Variants in PDE1C observed in about 807,000 individuals in gnomAD.
PDE1C encodes the protein phosphodiesterase 1C.
A neutral mutation model predicts 93.1 loss-of-function variants in PDE1C; 62 were observed. The observed-to-expected ratio is 0.67, with a 90% CI of 0.54 to 0.82. The LOEUF is 0.82. Among genes scored for constraint, PDE1C ranks in the 40% least tolerant of loss-of-function variants. PDE1C has a pLI of 0.00. For missense variants in PDE1C, 742 were observed against 884.6 expected, an observed-to-expected ratio of 0.84 and a Z score of 2.04; for synonymous variants, 325 against 310.1, an observed-to-expected ratio of 1.05 and a Z score of -0.50.
chr7:31,944,663 T>C (rs1806363028), intron 2 of PDE1C, among the ~76,000 whole-genome samples: 1 of 152,230 alleles, frequency 6.6e-6, no homozygotes, highest in Non-Finnish European at 1.5e-5. Flanking sequence ...CTTAAATTTA[T>C]GAAGTTGAAA....
At chr7:31,635,718 G>T in the PDE1C span, among the ~76,000 whole-genome samples, 1 of 151,960 alleles carries the variant, frequency 6.6e-6, no homozygotes, top group Non-Finnish European at 1.5e-5. Context: ...AAGAAAAGAG[G>T]TTTAAATGAG....
At chr7:31,919,800 AG>A (rs1802380375) in intron 2 of PDE1C, among the ~76,000 whole-genome samples, 1 of 152,168 alleles carries the variant, frequency 6.6e-6, no homozygotes, top group South Asian at 2.1e-4. Context: ...TGGCCCTGCA[AG>A]GGTAAGTGTT....
In PDE1C at chr7:31,801,190, G is replaced by T. The variant is rs1785979060; in HGVS notation, c.1891+7841C>A. On this transcript the variant is annotated intron_variant, in intron 16 of 17. Coordinates refer to ENST00000396191, the MANE Select transcript of PDE1C (RefSeq NM_001191057.4). ...AGAAAAACAATAGAAAATATTAATGGTGATGATTAATAAAATATATTAACC... is the reference window on the plus strand; with the variant it reads ...AGAAAAACAATAGAAAATATTAATGTTGATGATTAATAAAATATATTAACC... Among the ~76,000 whole-genome samples the T allele has an allele frequency of 2.0e-5, 3 of 151,076 alleles. No homozygotes were observed. The Admixed American group carries it at 2.0e-4, about 10-fold the overall frequency.
chr7:32,267,584 ACACT>A (rs1316756262), intron 1 of PDE1C, among the ~76,000 whole-genome samples: 9,637 of 112,462 alleles, frequency 0.086, 331 homozygotes, highest in East Asian at 0.13. Context: ...ACACACACAC[ACACT>A]CTCTCTCTCT....
chr7:32,077,790 T>G (rs1002747512), intron 3 of PDE1C: 1 of 869,830 alleles, frequency 1.1e-6, no homozygotes, highest in African/African-American at 1.8e-5. Context: ...AGGCTGGTCT[T>G]TAACTCCTGA....
chr7:32,285,605 A>T (rs1031049168), intron 1 of PDE1C, among the ~76,000 whole-genome samples: 1 of 151,968 alleles, frequency 6.6e-6, no homozygotes, highest in Non-Finnish European at 1.5e-5. Context: ...AAATGGGTAA[A>T]TTTTATGATA....
At chr7:32,025,352 G>A (rs965490111) in intron 2 of PDE1C, among the ~76,000 whole-genome samples, 3 of 152,162 alleles carry the variant, frequency 2.0e-5, no homozygotes, top group Non-Finnish European at 2.9e-5. Context: ...CCAGATGGGT[G>A]TAGAGACGAG....
chr7:32,406,228 C>A (rs1448910710), intron 1 of PDE1C, among the ~76,000 whole-genome samples: 1 of 152,196 alleles, frequency 6.6e-6, no homozygotes, highest in Non-Finnish European at 1.5e-5. Flanking sequence ...CTCCACCACA[C>A]TTCTTAAGCT....
chr7:31,642,468 A>C, the PDE1C span, among the ~76,000 whole-genome samples: 1 of 152,230 alleles, frequency 6.6e-6, no homozygotes, highest in Non-Finnish European at 1.5e-5. Context: ...GGTGCCGGAA[A>C]GTGTGGCCTT....
intron 1 of PDE1C, among the ~76,000 whole-genome samples, chr7:32,361,819 A>T (rs1490519085): frequency 2.6e-5 from 4 of 152,112 alleles, no homozygotes; most frequent in African/African-American, 9.7e-5. Flanking sequence ...GCCTTCTCTC[A>T]GCCTGGCACC....
chr7:32,197,702 A>G (rs756919469), intron 2 of PDE1C, among the ~76,000 whole-genome samples: 6 of 152,224 alleles, frequency 3.9e-5, no homozygotes. Flanking sequence ...CAGTCACAAT[A>G]GACCACATAT....
intron 2 of PDE1C, among the ~76,000 whole-genome samples, chr7:32,190,739 G>C (rs2128820582): frequency 6.6e-6 from 1 of 152,276 alleles, no homozygotes; most frequent in Non-Finnish European, 1.5e-5. Flanking sequence ...TCAGAATCTA[G>C]TGGGGAGACA....
At chr7:31,764,414 G>T (rs1455297273) in intron 17 of PDE1C, among the ~76,000 whole-genome samples, 1 of 152,048 alleles carries the variant, frequency 6.6e-6, no homozygotes, top group Admixed American at 6.6e-5. Context: ...CAAAGTACTG[G>T]GATTACAGAC....
intron 3 of PDE1C, among the ~76,000 whole-genome samples, chr7:32,100,133 T>A (rs1403314032): frequency 1.3e-5 from 2 of 152,202 alleles, no homozygotes; most frequent in Non-Finnish European, 2.9e-5. Context: ...ATAGCACAGG[T>A]AGTGCATGGC....
At chr7:31,632,865 T>C in the PDE1C span, among the ~76,000 whole-genome samples, 1 of 151,426 alleles carries the variant, frequency 6.6e-6, no homozygotes, top group Non-Finnish European at 1.5e-5. Flanking sequence ...GAGATTTTTA[T>C]TTTTATTTAT....
chr7:32,208,952 G>A (rs1451869334), intron 2 of PDE1C, among the ~76,000 whole-genome samples: 1 of 152,200 alleles, frequency 6.6e-6, no homozygotes, highest in Non-Finnish European at 1.5e-5. Flanking sequence ...TCACCAAACT[G>A]AGGAAAAGCC....
intron 6 of PDE1C, among the ~76,000 whole-genome samples, chr7:31,870,560 T>C (rs1432420261): frequency 2.6e-5 from 4 of 152,042 alleles, no homozygotes; most frequent in East Asian, 1.9e-4. Context: ...CATGAGGAAA[T>C]TGAAAACCTG....
chr7:31,850,515 G>T, intron 8 of PDE1C, 126 bp downstream of exon 8: 1 of 685,660 alleles, frequency 1.5e-6, no homozygotes, highest in Non-Finnish European at 2.7e-6. Context: ...TCATTTAGAG[G>T]TTCATTGTTT....
chr7:32,071,785 C>A (rs896484911), upstream of PDE1C, among the ~76,000 whole-genome samples: 1 of 152,090 alleles, frequency 6.6e-6, no homozygotes, highest in African/African-American at 2.4e-5. Flanking sequence ...AGAGAGGAAC[C>A]AAAGACTGGG....
Sources: allele counts gnomAD v4.1 joint callset (sites outside exome capture counted in the v4.1 genomes callset), GRCh38; gene constraint gnomAD v4.1.1; transcripts MANE v1.5; gene names NCBI Gene and HGNC (gene_info 2026-07-23, HGNC 2026-07-21).